Variants in COL13A1 observed in about 807,000 individuals in gnomAD.
COL13A1 encodes the protein collagen alpha-1(XIII) chain.
COL13A1 carries 89 observed loss-of-function variants against 130.9 expected under a neutral mutation model. That is an observed-to-expected ratio of 0.68 (90% CI 0.57 to 0.81). The LOEUF (loss-of-function observed/expected upper bound fraction) is 0.81, where lower values mean the gene tolerates loss of function less well. Ranked by LOEUF, COL13A1 falls within the 30% of genes least tolerant of loss-of-function variation. The pLI, the probability that COL13A1 is intolerant of heterozygous loss-of-function variation, is 0.00. For synonymous variants in COL13A1, 402 were observed against 341.6 expected (o/e 1.18, Z -1.95); for missense variants, 879 against 934.6 (o/e 0.94, Z 0.78).
intron 2 of COL13A1, among the ~76,000 whole-genome samples, chr10:69,853,065 A>T: frequency 6.6e-6 from 1 of 152,126 alleles, no homozygotes; most frequent in Middle Eastern, 3.2e-3. Flanking sequence ...CAGTGGGGAG[A>T]TATCTTCCTA....
In COL13A1 at chr10:69,943,627, A is replaced by G. The variant is rs112768398; in HGVS notation, c.1915-498A>G. On this transcript the variant is annotated intron_variant, in intron 35 of 40. Coordinates refer to ENST00000645393, the MANE Select transcript of COL13A1 (RefSeq NM_001368882.1). ...GCGAGAAGGCCCCGGCCAGAGACTG[A>G]GGCCAGGGCTGTGGGTCTGCGGTGG... Among the ~76,000 whole-genome samples the G allele has an allele frequency of 2.6e-5, 4 of 152,108 alleles. 1 individual carries two copies. The highest frequency in any genetic ancestry group is 9.6e-5 in the African/African-American group (4 of 41,496).
chr10:69,879,184 C>T (rs748311561), intron 6 of COL13A1, among the ~76,000 whole-genome samples: 9 of 152,194 alleles, frequency 5.9e-5, no homozygotes, highest in Non-Finnish European at 1.0e-4. Context: ...AGAGGTGCCC[C>T]AGTGTGTCTG....
At position 69,936,796 on chromosome 10, in the gene COL13A1, A is replaced by C. The variant is rs764721738; in HGVS notation, c.1797+14A>C. On this transcript the variant is annotated intron_variant, in intron 33 of 40. Transcript: ENST00000645393. The stretch of plus-strand genomic sequence containing the variant: ...CCTGGACCAAAGGTAAGGAGAAGTC[A>C]CATGACAGGCGCTGTGTCAGTGCTA... 9.3e-6 allele frequency: 15 copies of C among 1,613,838 alleles called. No homozygotes were observed. The highest frequency in any genetic ancestry group is 1.3e-5 in the Non-Finnish European group (15 of 1,179,874).
At chr10:69,806,937 G>A (rs944075638) in intron 1 of COL13A1, among the ~76,000 whole-genome samples, 1 of 152,168 alleles carries the variant, frequency 6.6e-6, no homozygotes, top group Non-Finnish European at 1.5e-5. Flanking sequence ...GAACTGGGAG[G>A]CGAAGTTTGC....
At chr10:69,833,689 G>GC (rs1849342155) in intron 2 of COL13A1, among the ~76,000 whole-genome samples, 1 of 152,188 alleles carries the variant, frequency 6.6e-6, no homozygotes. Flanking sequence ...TGTGCATGAG[G>GC]ACATTTTAAA....
intron 37 of COL13A1, 53 bp from the exon 38 acceptor site, chr10:69,947,254 A>T: frequency 6.5e-7 from 1 of 1,548,974 alleles, no homozygotes; most frequent in Non-Finnish European, 8.9e-7. Flanking sequence ...AGCACTGTAC[A>T]GCTGGCCTGT....
At chr10:69,890,094 C>T (rs1274572814) in intron 10 of COL13A1, among the ~76,000 whole-genome samples, 1 of 152,200 alleles carries the variant, frequency 6.6e-6, no homozygotes, top group East Asian at 1.9e-4. Context: ...GCCCAGGGTA[C>T]CTGGAGTGCC....
chr10:69,856,668 A>G (rs776401125), intron 2 of COL13A1, among the ~76,000 whole-genome samples: 55 of 152,336 alleles, frequency 3.6e-4, no homozygotes, highest in Non-Finnish European at 7.6e-4. Context: ...GCGTACTGCA[A>G]CCTCTGCTGG....
At chr10:69,813,367 T>A (rs1033840782) in intron 1 of COL13A1, among the ~76,000 whole-genome samples, 2 of 152,188 alleles carry the variant, frequency 1.3e-5, no homozygotes, top group African/African-American at 4.8e-5. Context: ...AAGGAAGGAC[T>A]TCGTCATACG....
intron 17 of COL13A1, among the ~76,000 whole-genome samples, chr10:69,907,400 C>T (rs777718204): frequency 4.6e-5 from 7 of 152,046 alleles, no homozygotes; most frequent in African/African-American, 1.2e-4. Context: ...GCTGGGAAGC[C>T]GACAGTCAAG....
At chr10:69,958,331 G>C (rs1328148464) in intron 40 of COL13A1, among the ~76,000 whole-genome samples, 1 of 152,210 alleles carries the variant, frequency 6.6e-6, no homozygotes, top group African/African-American at 2.4e-5. Context: ...GGGAAGAACA[G>C]CCACTACCAA....
At position 69,851,367 on chromosome 10, in the gene COL13A1, A is replaced by G. The variant is rs905237442; in HGVS notation, c.365-16431A>G. Among the ~76,000 whole-genome samples, 7 of 152,264 alleles carry G rather than the reference A, an allele frequency of 4.6e-5. No individual in the cohort carries two copies. In the East Asian group the frequency reaches 1.4e-3, roughly 29 times the overall value. The stretch of plus-strand genomic sequence containing the variant: ...AAGGTTTCCCAGTGCCCTGGGGGAA[A>G]ATGCCAAACTCCTCCCTGCCCTGGC... On this transcript the variant is annotated intron_variant, in intron 2 of 40. Transcript: ENST00000645393.
chr10:69,894,178 G>A (rs945094784), intron 10 of COL13A1, among the ~76,000 whole-genome samples: 15 of 152,354 alleles, frequency 9.8e-5, no homozygotes, highest in Middle Eastern at 3.4e-3. Flanking sequence ...ACTGCAGCCT[G>A]GGAGGCAGGA....
chr10:69,875,013 G>A (rs1240260203), intron 4 of COL13A1, 115 bp from the exon 5 acceptor site: 94 of 1,272,950 alleles, frequency 7.4e-5, no homozygotes, highest in Non-Finnish European at 8.0e-5. Flanking sequence ...TGTCGTCCCC[G>A]CTGCAAACTG....
chr10:69,926,955 C>T, intron 26 of COL13A1, 132 bp from the exon 27 acceptor site: 1 of 1,236,572 alleles, frequency 8.1e-7, no homozygotes, highest in Non-Finnish European at 1.2e-6. Flanking sequence ...ATGGAGCCCA[C>T]CTGCAAGCGT....
chr10:69,858,387 T>A (rs919666637), intron 2 of COL13A1, among the ~76,000 whole-genome samples: 3 of 152,234 alleles, frequency 2.0e-5, no homozygotes, highest in Non-Finnish European at 2.9e-5. Context: ...TTATAGAGGA[T>A]ACTGGGCTCA....
chr10:69,843,269 C>T lies in COL13A1; in HGVS notation c.364+20831C>T, dbSNP rs143419534. On this transcript the variant is annotated intron_variant, in intron 2 of 40. Transcript: ENST00000645393. ...TCCCCCTCAACCCACGGCCTAGGAGCGAGAAGAGGAGGAGGAGTTAAAGGG... is the reference window on the plus strand; with the variant it reads ...TCCCCCTCAACCCACGGCCTAGGAGTGAGAAGAGGAGGAGGAGTTAAAGGG... 4.5e-3 allele frequency among the ~76,000 whole-genome samples: 684 copies of T among 152,146 alleles called. 5 individuals are homozygous for T. The highest frequency in any genetic ancestry group is 0.015 in the African/African-American group (641 of 41,494).
chr10:69,924,954 A>G lies in COL13A1; in HGVS notation c.1285-9A>G, dbSNP rs1168083673. On this transcript the variant is annotated splice_polypyrimidine_tract_variant and intron_variant, in intron 24 of 40. Transcript: ENST00000645393. The stretch of plus-strand genomic sequence containing the variant: ...ATCCCCACTTTGCTCCAATTTTGTC[A>G]TGCAACAGGGGGAGCGTGGAGCAGC... 5.1e-6 allele frequency: 8 copies of G among 1,582,708 alleles called. No homozygotes were observed. Among genetic ancestry groups the G allele is most frequent in the African/African-American group, 4.1e-5 (3 of 73,854 alleles).
intron 17 of COL13A1, among the ~76,000 whole-genome samples, chr10:69,908,148 G>A (rs1263930104): frequency 6.6e-6 from 1 of 152,190 alleles, no homozygotes; most frequent in East Asian, 1.9e-4. Flanking sequence ...AAAAGAGGCA[G>A]GAAGGAAAGG....
Sources: gnomAD v4.1 joint callset for allele counts (sites outside exome capture counted in the v4.1 genomes callset) on GRCh38, gnomAD v4.1.1 for gene constraint, MANE v1.5 for transcripts, NCBI Gene and HGNC (gene_info 2026-07-23, HGNC 2026-07-21) for gene names.